LTBP1: variants seen among roughly 807,000 people sequenced by gnomAD.
LTBP1 encodes the protein latent transforming growth factor beta binding protein 1.
Under a neutral mutation model 207.6 loss-of-function variants are expected in LTBP1, and 129 were observed. That is an observed-to-expected ratio of 0.62 (90% CI 0.54 to 0.72). The LOEUF (loss-of-function observed/expected upper bound fraction) is 0.72, where lower values mean the gene tolerates loss of function less well. LTBP1 is among the 30% of genes least tolerant of loss of function. The probability of loss-of-function intolerance (pLI) is 0.00; values close to 1 mark genes in which losing one functional copy is unlikely to be tolerated. For synonymous variants in LTBP1, 963 were observed against 833.7 expected, an observed-to-expected ratio of 1.16 and a Z score of -2.67; for missense variants, 2,281 against 2,217.2, an observed-to-expected ratio of 1.03 and a Z score of -0.58.
chr2:33,113,692 G>A (rs1361325887), intron 4 of LTBP1, among the ~76,000 whole-genome samples: 2 of 152,142 alleles, frequency 1.3e-5, no homozygotes, highest in African/African-American at 4.8e-5. Flanking sequence ...TCTGGTCATT[G>A]GTAAAGGATA....
At chr2:33,360,566 A>G (rs369962019) in intron 26 of LTBP1, 31 bp from the exon 27 acceptor site, 318 of 1,490,836 alleles carry the variant, frequency 2.1e-4, no homozygotes, top group Non-Finnish European at 2.3e-4. Flanking sequence ...GATGTGTCCT[A>G]TTGTCACTCT....
In LTBP1 at chr2:33,134,787, T is replaced by C. The variant is rs577154564; in HGVS notation, c.1034-6T>C. The C allele has an allele frequency of 5.6e-6, 9 of 1,614,120 alleles. No individual in the cohort carries two copies. The highest frequency in any genetic ancestry group is 1.7e-5 in the Admixed American group (1 of 60,004). ...TTGTTCTTTTTCTCCCTGCCTCCGC[T>C]CCTAGTGAGTAACCACACTGGCCGC... On this transcript the variant is annotated splice_region_variant and splice_polypyrimidine_tract_variant and intron_variant, in intron 4 of 33. Coordinates refer to ENST00000404816, the MANE Select transcript of LTBP1 (RefSeq NM_206943.4). This position sits in a 1 kb window ranked among gnomAD's most constrained non-coding sequence, Gnocchi z 4.4.
chr2:33,004,786 A>AATATATATAT (rs34777461), intron 2 of LTBP1, among the ~76,000 whole-genome samples: 4,578 of 100,826 alleles, frequency 0.045, 124 homozygotes, highest in East Asian at 0.11. Flanking sequence ...AAAAAAAAGG[A>AATATATATAT]ATATATATAT....
intron 2 of LTBP1, among the ~76,000 whole-genome samples, chr2:32,955,608 A>G (rs376729724): frequency 1.2e-4 from 18 of 145,402 alleles, no homozygotes; most frequent in Non-Finnish European, 2.3e-4. Flanking sequence ...TTTTTGGAAC[A>G]TTTGGGTGTT....
chr2:33,104,887 A>G (rs11124304), intron 3 of LTBP1, among the ~76,000 whole-genome samples: 2 of 151,712 alleles, frequency 1.3e-5, no homozygotes, highest in African/African-American at 4.9e-5. Flanking sequence ...AGCACGCCTC[A>G]TTGCACTTAC....
At chr2:33,120,465 T>A (rs2081040266) in intron 4 of LTBP1, among the ~76,000 whole-genome samples, 1 of 152,228 alleles carries the variant, frequency 6.6e-6, no homozygotes, top group Admixed American at 6.5e-5. Flanking sequence ...CCTGCATAGT[T>A]TGCTAAGGAT....
intron 19 of LTBP1, among the ~76,000 whole-genome samples, chr2:33,290,791 G>C (rs138735138): frequency 1.3e-5 from 2 of 152,198 alleles, no homozygotes; most frequent in African/African-American, 4.8e-5. Context: ...ACAGAGGAGG[G>C]GTCAGTTTTG....
chr2:33,217,470 G>T, intron 7 of LTBP1, 82 bp from the exon 8 acceptor site: 1 of 864,732 alleles, frequency 1.2e-6, no homozygotes, highest in South Asian at 1.4e-5. Flanking sequence ...GGTTTATAGC[G>T]TGGCTGTGAG....
At chr2:33,263,469 T>A in intron 15 of LTBP1, 77 bp downstream of exon 15, 1 of 1,020,712 alleles carries the variant, frequency 9.8e-7, no homozygotes, top group Non-Finnish European at 1.5e-6. Flanking sequence ...GTAGTATCCA[T>A]TATATAAGCT....
chr2:33,212,323 C>A (rs1010526188), intron 7 of LTBP1, among the ~76,000 whole-genome samples: 2 of 152,020 alleles, frequency 1.3e-5, no homozygotes, highest in Non-Finnish European at 1.5e-5. Context: ...AGTTAGAGGC[C>A]CAGGCAGCAT....
chr2:33,366,916 A>G (rs2094995345), intron 31 of LTBP1, among the ~76,000 whole-genome samples: 1 of 152,110 alleles, frequency 6.6e-6, no homozygotes, highest in African/African-American at 2.4e-5. Flanking sequence ...GTGGTTTTAT[A>G]TTGTCTAATT....
At chr2:33,292,921 A>T (rs756239215) in intron 19 of LTBP1, among the ~76,000 whole-genome samples, 7 of 152,162 alleles carry the variant, frequency 4.6e-5, no homozygotes, top group Non-Finnish European at 7.3e-5. Flanking sequence ...TCTTGAATTT[A>T]TTCACAGAGC....
rs574890970 is a variant in LTBP1, at chr2:33,189,142, A to C, written c.1701+291A>C. On this transcript the variant is annotated intron_variant, in intron 7 of 33. Transcript: ENST00000404816. ...TTACTGTGTGTCTTTTTACAGAAAA[A>C]GCTTGCCAGTCCCTGATGTACAGAA... 2.0e-5 allele frequency among the ~76,000 whole-genome samples: 3 copies of C among 152,282 alleles called. No homozygotes were observed. The East Asian group carries it at 5.8e-4, about 29-fold the overall frequency.
intron 5 of LTBP1, among the ~76,000 whole-genome samples, chr2:33,184,370 T>C (rs1438950286): frequency 6.6e-6 from 1 of 152,162 alleles, no homozygotes; most frequent in Non-Finnish European, 1.5e-5. Context: ...TATCACCTGA[T>C]CTCTTCCCTT....
chr2:33,078,731 G>A (rs997838792), intron 3 of LTBP1, among the ~76,000 whole-genome samples: 1 of 152,040 alleles, frequency 6.6e-6, no homozygotes, highest in African/African-American at 2.4e-5. Context: ...TTTAAGAGTG[G>A]CATATCACTA....
At chr2:33,189,707 T>C (rs2087623448) in intron 7 of LTBP1, among the ~76,000 whole-genome samples, 1 of 152,220 alleles carries the variant, frequency 6.6e-6, no homozygotes, top group Non-Finnish European at 1.5e-5. Flanking sequence ...CAGGAAGTAA[T>C]ATTTCATGTT....
intron 5 of LTBP1, among the ~76,000 whole-genome samples, chr2:33,153,573 G>T (rs577965698): frequency 6.6e-6 from 1 of 152,124 alleles, no homozygotes; most frequent in African/African-American, 2.4e-5. Flanking sequence ...AATCTGAGCC[G>T]CGAAGGATCT....
At chr2:32,970,024 A>T (rs1282012608) in intron 2 of LTBP1, among the ~76,000 whole-genome samples, 6 of 152,202 alleles carry the variant, frequency 3.9e-5, no homozygotes, top group Non-Finnish European at 8.8e-5. Context: ...ATGATTAATG[A>T]TGGTGAGCAT....
intron 9 of LTBP1, among the ~76,000 whole-genome samples, chr2:33,236,463 T>C (rs904219472): frequency 6.6e-6 from 1 of 152,228 alleles, no homozygotes. Flanking sequence ...GAGCACCCTA[T>C]TTCAGCATTT....
Sources: allele counts gnomAD v4.1 joint callset (sites outside exome capture counted in the v4.1 genomes callset), GRCh38; gene constraint gnomAD v4.1.1; non-coding constraint Gnocchi (gnomAD v3.1); transcripts MANE v1.5; gene names NCBI Gene and HGNC (gene_info 2026-07-23, HGNC 2026-07-21).